C17orf100: variants seen among roughly 807,000 people sequenced by gnomAD.
C17orf100 encodes the protein chromosome 17 open reading frame 100.
Under a neutral mutation model 0.7 loss-of-function variants are expected in C17orf100, and 1 was observed. The observed-to-expected ratio is 1.50, with a 90% CI of 0.53 to 7.13. The LOEUF (loss-of-function observed/expected upper bound fraction) is 7.13. C17orf100 is among the 30% of genes most tolerant of loss of function. The probability of loss-of-function intolerance (pLI) is 0.14; values close to 1 mark genes in which losing one functional copy is unlikely to be tolerated. For synonymous variants in C17orf100, 87 were observed against 84.0 expected, an observed-to-expected ratio of 1.04 and a Z score of -0.20; for missense variants, 168 against 171.5, an observed-to-expected ratio of 0.98 and a Z score of 0.11.
chr17:6,652,255 A>T lies in C17orf100; in HGVS notation c.342A>T (p.Glu114Asp), dbSNP rs1972850990. The change falls in exon 1 of 1, where the codon GAA becomes GAT. Residue 114 changes from glutamate to aspartate, a missense_variant. Coordinates refer to ENST00000542475, the MANE Select transcript of C17orf100 (RefSeq NM_001105520.2). ...CCAAGCCGGCCGCCCGCCAGAACGAAAAAACGGCCCGATGAGATGCTGCTT... is the reference window on the plus strand; with the variant it reads ...CCAAGCCGGCCGCCCGCCAGAACGATAAAACGGCCCGATGAGATGCTGCTT... ...PRAKPAARQNEKTAR is the reference protein window; with the variant it reads ...PRAKPAARQNDKTAR The T allele has an allele frequency of 6.2e-7, 1 of 1,611,052 alleles. No homozygotes were observed. Among genetic ancestry groups the T allele is most frequent in the African/African-American group, 1.3e-5 (1 of 74,944 alleles).
Position 6,653,111 on chromosome 17 carries a change from C to G in C17orf100, c.*841C>G, listed in dbSNP as rs1972859336. Reference sequence around the variant, plus strand: ...TAGCCTACCTTAAACATGCTCAGAACACCTAAAGTTGAGCAAAATCATCTA... The same window carrying G: ...TAGCCTACCTTAAACATGCTCAGAAGACCTAAAGTTGAGCAAAATCATCTA... On this transcript the variant is annotated 3_prime_UTR_variant, in exon 1 of 1. Transcript: ENST00000542475. The G allele has an allele frequency of 6.0e-6, 1 of 166,932 alleles. No homozygotes were observed. The highest frequency in any genetic ancestry group is 2.4e-5 in the African/African-American group (1 of 41,586). 10.3% of individuals were successfully genotyped at this position (166,932 alleles called of 1,614,324 possible).
Position 6,652,543 on chromosome 17 carries a change from T to C in C17orf100, c.*273T>C, listed in dbSNP as rs531196897. 41 of 1,359,360 alleles carry C rather than the reference T, an allele frequency of 3.0e-5. No homozygotes were observed. In the South Asian group the frequency reaches 6.0e-4, roughly 20 times the overall value. 84.2% of individuals were successfully genotyped at this position (1,359,360 alleles called of 1,614,324 possible). A position where few individuals can be genotyped will look rare whatever the true frequency, so the allele number is the denominator to read the frequency against. On this transcript the variant is annotated 3_prime_UTR_variant, in exon 1 of 1. Coordinates refer to ENST00000542475, the MANE Select transcript of C17orf100 (RefSeq NM_001105520.2). Reference sequence around the variant, plus strand: ...CAGAAGGTTTTCAGGCCCAGGATGCTGTCTAAATCGGGTTGATGGACAAAG... The same window carrying C: ...CAGAAGGTTTTCAGGCCCAGGATGCCGTCTAAATCGGGTTGATGGACAAAG...
chr17:6,652,038 A>G lies in C17orf100; in HGVS notation c.125A>G (p.Glu42Gly). The G allele has an allele frequency of 6.4e-7, 1 of 1,554,770 alleles. No individual in the cohort carries two copies. The highest frequency in any genetic ancestry group is 8.7e-7 in the Non-Finnish European group (1 of 1,150,530). The change falls in exon 1 of 1, where the codon GAG becomes GGG. Residue 42 changes from glutamate to glycine, a missense_variant. Glu to Gly is a moderately conservative substitution (Grantham distance 98). Coordinates refer to ENST00000542475, the MANE Select transcript of C17orf100 (RefSeq NM_001105520.2). ...GTGGAGACGTCGTCCCGGCGGGTGGAGACCTCCCAGCGCCGCAGCGAGGGG... is the reference window on the plus strand; with the variant it reads ...GTGGAGACGTCGTCCCGGCGGGTGGGGACCTCCCAGCGCCGCAGCGAGGGG... ...HRVETSSRRV[E>G]TSQRRSEGPS...
rs1972846971 is a variant in C17orf100 at position 6,652,034 on chromosome 17, G to T, written c.121G>T (p.Val41Leu). The part of the protein sequence containing the change: ...SHRVETSSRR[V>L]ETSQRRSEGP... ...CCGCGTGGAGACGTCGTCCCGGCGG[G>T]TGGAGACCTCCCAGCGCCGCAGCGA... Residue 41 changes from valine to leucine, a missense_variant, in exon 1 of 1, where the codon GTG (valine) becomes TTG (leucine). Val to Leu is a conservative substitution (Grantham distance 32). Transcript: ENST00000542475. The T allele has an allele frequency of 3.2e-6, 5 of 1,556,232 alleles. No individual in the cohort carries two copies. Among genetic ancestry groups the T allele is most frequent in the Non-Finnish European group, 4.3e-6 (5 of 1,151,254 alleles).
chr17:6,652,670 G>T lies in C17orf100; in HGVS notation c.*400G>T. 3.4e-6 allele frequency: 1 copy of T among 295,224 alleles called. No homozygotes were observed. Among genetic ancestry groups the T allele is most frequent in the Non-Finnish European group, 6.5e-6 (1 of 154,584 alleles). 18.3% of individuals were successfully genotyped at this position (295,224 alleles called of 1,614,324 possible). A position where few individuals can be genotyped will look rare whatever the true frequency, so the allele number is the denominator to read the frequency against. ...AGACCAAACTGAAATAATGACCTGT[G>T]GAATGATTCCATGCCTGCTAAAAAC... On this transcript the variant is annotated 3_prime_UTR_variant, in exon 1 of 1. Transcript: ENST00000542475.
Position 6,652,994 on chromosome 17 carries a change from G to C in C17orf100, c.*724G>C, listed in dbSNP as rs1597636839. The C allele has an allele frequency of 6.0e-6, 1 of 167,228 alleles. No homozygotes were observed. Among genetic ancestry groups the C allele is most frequent in the South Asian group, 2.1e-4 (1 of 4,832 alleles). 10.4% of individuals were successfully genotyped at this position (167,228 alleles called of 1,614,324 possible). ...TAGATGTTCCTCCACTTACGATGGG[G>C]TTACCTCCCGTTGAAACTATTGTAA... On this transcript the variant is annotated 3_prime_UTR_variant, in exon 1 of 1. Coordinates refer to ENST00000542475, the MANE Select transcript of C17orf100 (RefSeq NM_001105520.2).
In C17orf100 at chr17:6,652,220, A is replaced by G. The variant is rs766831673; in HGVS notation, c.307A>G (p.Thr103Ala). 6.2e-7 allele frequency: 1 copy of G among 1,606,150 alleles called. No individual in the cohort carries two copies. Among genetic ancestry groups the G allele is most frequent in the East Asian group, 2.2e-5 (1 of 44,792 alleles). ...GTCTCTGCACTGCGCGGAGAGCCCG[A>G]CCCCGCGGGCCAAGCCGGCCGCCCG... ...ETSLHCAESPTPRAKPAARQN... is the reference protein window; with the variant it reads ...ETSLHCAESPAPRAKPAARQN... The change falls in exon 1 of 1, where the codon ACC becomes GCC. Residue 103 changes from threonine to alanine, a missense_variant. Transcript: ENST00000542475.
chr17:6,652,033 G>A lies in C17orf100; in HGVS notation c.120G>A (p.Arg40=), dbSNP rs765888164. ...ACCGCGTGGAGACGTCGTCCCGGCG[G>A]GTGGAGACCTCCCAGCGCCGCAGCG... The part of the protein sequence containing the change: ...SSHRVETSSR[R]VETSQRRSEG... The change falls in exon 1 of 1, where the codon CGG becomes CGA. Residue 40 remains arginine, a synonymous_variant. Coordinates refer to ENST00000542475, the MANE Select transcript of C17orf100 (RefSeq NM_001105520.2). 1.9e-6 allele frequency: 3 copies of A among 1,555,950 alleles called. No homozygotes were observed. The highest frequency in any genetic ancestry group is 2.6e-6 in the Non-Finnish European group (3 of 1,151,048).
In C17orf100 at chr17:6,652,464, G is replaced by T; in HGVS notation, c.*194G>T. On this transcript the variant is annotated 3_prime_UTR_variant, in exon 1 of 1. Transcript: ENST00000542475. Reference sequence around the variant, plus strand: ...AGCCAACGTTTACTGACCGTCCTGCGTCTTGGACCAGCCTACTTTTGACCC... The same window carrying T: ...AGCCAACGTTTACTGACCGTCCTGCTTCTTGGACCAGCCTACTTTTGACCC... 6.8e-7 allele frequency: 1 copy of T among 1,462,990 alleles called. No homozygotes were observed. Among genetic ancestry groups the T allele is most frequent in the East Asian group, 2.5e-5 (1 of 40,152 alleles). 90.6% of individuals were successfully genotyped at this position (1,462,990 alleles called of 1,614,324 possible). A position where few individuals can be genotyped will look rare whatever the true frequency, so the allele number is the denominator to read the frequency against.
chr17:6,651,839 T>G lies in C17orf100; in HGVS notation c.-75T>G. On this transcript the variant is annotated 5_prime_UTR_variant, in exon 1 of 1. Transcript: ENST00000542475. ...CCCGGCTATGGCAGTACCGTAGTTT[T>G]CCTCTCTTCTGCCTGCGGTGACCAT... 2 of 1,445,632 alleles carry G rather than the reference T, an allele frequency of 1.4e-6. No individual in the cohort carries two copies. Among genetic ancestry groups the G allele is most frequent in the Non-Finnish European group, 9.1e-7 (1 of 1,101,864 alleles). 89.6% of individuals were successfully genotyped at this position (1,445,632 alleles called of 1,614,324 possible). A position where few individuals can be genotyped will look rare whatever the true frequency, so the allele number is the denominator to read the frequency against.
In C17orf100 at chr17:6,651,877, T is replaced by A. The variant is rs1476510995; in HGVS notation, c.-37T>A. 7.5e-6 allele frequency: 11 copies of A among 1,456,956 alleles called. No homozygotes were observed. The highest frequency in any genetic ancestry group is 9.1e-6 in the Non-Finnish European group (10 of 1,103,490). 90.3% of individuals were successfully genotyped at this position (1,456,956 alleles called of 1,614,324 possible). On this transcript the variant is annotated 5_prime_UTR_variant, in exon 1 of 1. Coordinates refer to ENST00000542475, the MANE Select transcript of C17orf100 (RefSeq NM_001105520.2). ...CTGCGGTGACCATTGGGCTGTAGGGTGCCCCGAGGCCTCCCTGGCCCCCTC... is the reference window on the plus strand; with the variant it reads ...CTGCGGTGACCATTGGGCTGTAGGGAGCCCCGAGGCCTCCCTGGCCCCCTC...
rs1414262287 is a variant in C17orf100, at chr17:6,652,150, A to G, written c.237A>G (p.Glu79=). 6.2e-7 allele frequency: 1 copy of G among 1,600,312 alleles called. No individual in the cohort carries two copies. Among genetic ancestry groups the G allele is most frequent in the African/African-American group, 1.3e-5 (1 of 74,952 alleles). Residue 79 remains glutamate (E), a synonymous_variant, in exon 1 of 1, where the codon GAA becomes GAG. Transcript: ENST00000542475. ...RHVESSSQRT[E]TTSRHVRASS... Reference sequence around the variant, plus strand: ...TGGAATCCTCCTCGCAGCGCACGGAAACGACCTCCCGCCACGTCAGAGCCT... The same window carrying G: ...TGGAATCCTCCTCGCAGCGCACGGAGACGACCTCCCGCCACGTCAGAGCCT...
Position 6,652,369 on chromosome 17 carries a change from TCA to T in C17orf100, c.*100_*101del. 1.9e-6 allele frequency: 3 copies of T among 1,552,812 alleles called. No individual in the cohort carries two copies. In the South Asian group the frequency reaches 3.6e-5, roughly 18 times the overall value. On this transcript the variant is annotated 3_prime_UTR_variant, in exon 1 of 1. Coordinates refer to ENST00000542475, the MANE Select transcript of C17orf100 (RefSeq NM_001105520.2). The stretch of plus-strand genomic sequence containing the variant: ...GCCAGCCAGCTGCCAGGTGGACCAA[TCA>T]TTTTCGGTTTCATGGAAACAAACCA...
chr17:6,651,909 G>A lies in C17orf100; in HGVS notation c.-5G>A. The A allele has an allele frequency of 6.8e-7, 1 of 1,473,180 alleles. No individual in the cohort carries two copies. The highest frequency in any genetic ancestry group is 9.0e-7 in the Non-Finnish European group (1 of 1,108,662). The allele number at this position is 1,473,180 out of a possible 1,614,324, so 91.3% of individuals were successfully genotyped here. On this transcript the variant is annotated 5_prime_UTR_variant, in exon 1 of 1. Transcript: ENST00000542475. ...AGGCCTCCCTGGCCCCCTCACGCCG[G>A]CAGAATGGCCTCAGCCCGAGGGGCC...
chr17:6,652,229 G>T lies in C17orf100; in HGVS notation c.316G>T (p.Ala106Ser). 2 of 1,607,830 alleles carry T rather than the reference G, an allele frequency of 1.2e-6. No homozygotes were observed. Among genetic ancestry groups the T allele is most frequent in the Non-Finnish European group, 1.7e-6 (2 of 1,179,698 alleles). The change falls in exon 1 of 1, where the codon GCC becomes TCC. Residue 106 changes from alanine (A) to serine (S), a missense_variant. Coordinates refer to ENST00000542475, the MANE Select transcript of C17orf100 (RefSeq NM_001105520.2). ...CTGCGCGGAGAGCCCGACCCCGCGG[G>T]CCAAGCCGGCCGCCCGCCAGAACGA... ...LHCAESPTPR[A>S]KPAARQNEKT...
chr17:6,652,394 C>T lies in C17orf100; in HGVS notation c.*124C>T, dbSNP rs781164512. 1 of 1,529,706 alleles carries T rather than the reference C, an allele frequency of 6.5e-7. No homozygotes were observed. Among genetic ancestry groups the T allele is most frequent in the Non-Finnish European group, 8.8e-7 (1 of 1,139,148 alleles). The allele number at this position is 1,529,706 out of a possible 1,614,324, so 94.8% of individuals were successfully genotyped here. A position where few individuals can be genotyped will look rare whatever the true frequency, so the allele number is the denominator to read the frequency against. ...TCATTTTCGGTTTCATGGAAACAAACCATAAATCAATGTAAGAAACAGCCA... is the reference window on the plus strand; with the variant it reads ...TCATTTTCGGTTTCATGGAAACAAATCATAAATCAATGTAAGAAACAGCCA... On this transcript the variant is annotated 3_prime_UTR_variant, in exon 1 of 1. Transcript: ENST00000542475.
chr17:6,652,491 G>A lies in C17orf100; in HGVS notation c.*221G>A. 2 of 1,448,134 alleles carry A rather than the reference G, an allele frequency of 1.4e-6. No homozygotes were observed. The highest frequency in any genetic ancestry group is 1.8e-6 in the Non-Finnish European group (2 of 1,098,136). 89.7% of individuals were successfully genotyped at this position (1,448,134 alleles called of 1,614,324 possible). ...CTTGGACCAGCCTACTTTTGACCCAGTGAACTATTTTCACTTGAAGCCAGC... is the reference window on the plus strand; with the variant it reads ...CTTGGACCAGCCTACTTTTGACCCAATGAACTATTTTCACTTGAAGCCAGC... On this transcript the variant is annotated 3_prime_UTR_variant, in exon 1 of 1. Coordinates refer to ENST00000542475, the MANE Select transcript of C17orf100 (RefSeq NM_001105520.2).
At position 6,653,453 on chromosome 17, in the gene C17orf100, A is replaced by G. The variant is rs910101059; in HGVS notation, c.*1183A>G. On this transcript the variant is annotated 3_prime_UTR_variant, in exon 1 of 1. Transcript: ENST00000542475. Reference sequence around the variant, plus strand: ...TATTGTGATTAGCACTATGAAGGAAATACATGGGTAATGTGATAGAGAATG... The same window carrying G: ...TATTGTGATTAGCACTATGAAGGAAGTACATGGGTAATGTGATAGAGAATG... The G allele has an allele frequency of 6.5e-6, 1 of 152,914 alleles. No homozygotes were observed. Among genetic ancestry groups the G allele is most frequent in the Non-Finnish European group, 1.5e-5 (1 of 68,044 alleles). The allele number at this position is 152,914 out of a possible 1,614,324, so 9.5% of individuals were successfully genotyped here.
In C17orf100 at chr17:6,652,369, T is replaced by G. The variant is rs765292087; in HGVS notation, c.*99T>G. The G allele has an allele frequency of 1.9e-6, 3 of 1,552,812 alleles. No homozygotes were observed. In the African/African-American group the frequency reaches 4.1e-5, roughly 21 times the overall value. On this transcript the variant is annotated 3_prime_UTR_variant, in exon 1 of 1. Coordinates refer to ENST00000542475, the MANE Select transcript of C17orf100 (RefSeq NM_001105520.2). ...GCCAGCCAGCTGCCAGGTGGACCAA[T>G]CATTTTCGGTTTCATGGAAACAAAC...
Sources: allele counts gnomAD v4.1 joint callset, GRCh38; gene constraint gnomAD v4.1.1; transcripts MANE v1.5; gene names NCBI Gene and HGNC (gene_info 2026-07-23, HGNC 2026-07-21).